PDE1A: variants seen among roughly 807,000 people sequenced by gnomAD.
PDE1A encodes the protein dual specificity calcium/calmodulin-dependent 3',5'-cyclic nucleotide phosphodiesterase 1A.
Under a neutral mutation model 61.7 loss-of-function variants are expected in PDE1A, and 35 were observed. The observed-to-expected ratio is 0.57, with a 90% CI of 0.43 to 0.75. The LOEUF (loss-of-function observed/expected upper bound fraction) is 0.75, where lower values mean the gene tolerates loss of function less well. Among genes scored for constraint, PDE1A ranks in the 30% least tolerant of loss-of-function variants. The pLI is 0.00. For synonymous variants in PDE1A, 232 were observed against 213.2 expected (o/e 1.09, Z -0.77); for missense variants, 597 against 630.6 (o/e 0.95, Z 0.57).
rs901139604 is a variant in PDE1A, at chr2:182,236,004, G to C, written c.351-1506C>G. ...CCTTTTAAGTCTTGACTAGTTGGAA[G>C]TTCAGAATGAAAATACTGTGTTTAA... On this transcript the variant is annotated intron_variant, in intron 3 of 13. Transcript: ENST00000351439. Among the ~76,000 whole-genome samples the C allele has an allele frequency of 4.6e-5, 7 of 152,204 alleles. 1 individual carries two copies. Among genetic ancestry groups the C allele is most frequent in the African/African-American group, 1.7e-4 (7 of 41,456 alleles).
intron 1 of PDE1A, among the ~76,000 whole-genome samples, chr2:182,273,361 T>G (rs1693171327): frequency 6.6e-6 from 1 of 151,936 alleles, no homozygotes; most frequent in Non-Finnish European, 1.5e-5. Flanking sequence ...TTTAAAAGGT[T>G]TTGAAAAGGT....
At chr2:182,222,374 G>A (rs1245296823) in intron 7 of PDE1A, among the ~76,000 whole-genome samples, 2 of 151,992 alleles carry the variant, frequency 1.3e-5, no homozygotes, top group Non-Finnish European at 2.9e-5. Context: ...ACCAGTGGTT[G>A]CCAGGGGTAA....
chr2:182,692,457 G>A, the PDE1A span, among the ~76,000 whole-genome samples: 2 of 151,896 alleles, frequency 1.3e-5, no homozygotes, highest in Non-Finnish European at 2.9e-5. Flanking sequence ...CTCATAGGTG[G>A]GAACTGAAAA....
chr2:182,340,924 C>T (rs183274566), intron 1 of PDE1A, among the ~76,000 whole-genome samples: 1 of 152,124 alleles, frequency 6.6e-6, no homozygotes, highest in Non-Finnish European at 1.5e-5. Context: ...AGTTTGGATA[C>T]GTAATTTAAC....
At chr2:182,393,603 T>C (rs1033763869) in intron 1 of PDE1A, among the ~76,000 whole-genome samples, 2 of 152,230 alleles carry the variant, frequency 1.3e-5, no homozygotes, top group Non-Finnish European at 2.9e-5. Context: ...TATGCTCTGC[T>C]TCCCTTGTAA....
At chr2:182,322,658 T>A (rs1014548774) in intron 1 of PDE1A, among the ~76,000 whole-genome samples, 2 of 152,214 alleles carry the variant, frequency 1.3e-5, no homozygotes, top group East Asian at 3.9e-4. Flanking sequence ...CAGACTCTGT[T>A]AGACAATTAA....
intron 1 of PDE1A, among the ~76,000 whole-genome samples, chr2:182,357,112 A>G (rs1363094052): frequency 6.6e-6 from 1 of 152,128 alleles, no homozygotes; most frequent in Non-Finnish European, 1.5e-5. Flanking sequence ...GCACACCAAC[A>G]TGGCACATGT....
intron 2 of PDE1A, among the ~76,000 whole-genome samples, chr2:182,252,500 A>C (rs970074919): frequency 6.6e-6 from 1 of 150,816 alleles, no homozygotes; most frequent in African/African-American, 2.4e-5. Flanking sequence ...AGAATATGTG[A>C]TAAGTCAGAG....
the PDE1A span, among the ~76,000 whole-genome samples, chr2:182,689,352 C>G: frequency 6.6e-6 from 1 of 152,116 alleles, no homozygotes; most frequent in Non-Finnish European, 1.5e-5. Context: ...TGCAATCAAA[C>G]TAGAACTCAG....
chr2:182,377,908 C>T (rs1245011277), intron 1 of PDE1A, among the ~76,000 whole-genome samples: 2 of 151,506 alleles, frequency 1.3e-5, no homozygotes, highest in Admixed American at 6.6e-5. Context: ...TGCAGTGGTG[C>T]GATCTTGGCT....
intron 1 of PDE1A, among the ~76,000 whole-genome samples, chr2:182,308,280 C>A (rs1232295652): frequency 1.3e-5 from 2 of 152,018 alleles, no homozygotes; most frequent in African/African-American, 4.8e-5. Context: ...ATAATGAAAT[C>A]AATTATGTAA....
the PDE1A span, among the ~76,000 whole-genome samples, chr2:182,685,966 A>G: frequency 5.9e-5 from 9 of 152,222 alleles, no homozygotes; most frequent in African/African-American, 1.9e-4. Flanking sequence ...ATCATCATAT[A>G]TCATATAATG....
chr2:182,635,465 T>C, the PDE1A span, among the ~76,000 whole-genome samples: 2 of 152,170 alleles, frequency 1.3e-5, no homozygotes, highest in Non-Finnish European at 2.9e-5. Context: ...AATTAGTACA[T>C]AGAATACTTC....
intron 1 of PDE1A, among the ~76,000 whole-genome samples, chr2:182,403,932 C>T (rs575541186): frequency 1.4e-4 from 21 of 151,702 alleles, no homozygotes; most frequent in African/African-American, 4.1e-4. Flanking sequence ...TGTATACCTA[C>T]GTAACAAACC....
intron 2 of PDE1A, among the ~76,000 whole-genome samples, chr2:182,450,221 G>T (rs1685420509): frequency 6.6e-6 from 1 of 151,892 alleles, no homozygotes; most frequent in Admixed American, 6.6e-5. Context: ...GGAAACAAAA[G>T]CACCATCAAG....
chr2:182,209,242 C>T (rs191068115), intron 7 of PDE1A, among the ~76,000 whole-genome samples: 11 of 151,944 alleles, frequency 7.2e-5, no homozygotes, highest in Non-Finnish European at 1.0e-4. Flanking sequence ...ACATGGTGGC[C>T]GCAAGAGAGA....
At chr2:182,679,005 CTTTTTTTTT>C in the PDE1A span, among the ~76,000 whole-genome samples, 3 of 127,658 alleles carry the variant, frequency 2.4e-5, no homozygotes, top group Non-Finnish European at 3.2e-5. Context: ...TTTGGTTTCT[CTTTTTTTTT>C]TTTTTTTTGA....
At chr2:182,334,607 G>C (rs1052869547) in intron 1 of PDE1A, among the ~76,000 whole-genome samples, 2 of 152,056 alleles carry the variant, frequency 1.3e-5, no homozygotes, top group Non-Finnish European at 2.9e-5. Flanking sequence ...AATGAACTAG[G>C]TATTGATGGA....
chr2:182,495,047 G>T (rs372195498), intron 2 of PDE1A, among the ~76,000 whole-genome samples: 1 of 152,072 alleles, frequency 6.6e-6, no homozygotes, highest in African/African-American at 2.4e-5. Context: ...GGGGTGCTCG[G>T]CACTTCCAGG....
Sources: gnomAD v4.1 joint callset for allele counts (sites outside exome capture counted in the v4.1 genomes callset) on GRCh38, gnomAD v4.1.1 for gene constraint, MANE v1.5 for transcripts, NCBI Gene and HGNC (gene_info 2026-07-23, HGNC 2026-07-21) for gene names.